The following SPATA7 variants were observed in gnomAD, a reference collection of about 807,000 sequenced individuals.
The protein encoded by SPATA7 is spermatogenesis-associated protein 7.
SPATA7 carries 43 observed loss-of-function variants against 51.8 expected under a neutral mutation model. The ratio of observed to expected loss-of-function variants is 0.83; its 90% CI spans 0.65 to 1.07. SPATA7 has a LOEUF of 1.07. Among genes scored for constraint, SPATA7 ranks in the 50% least tolerant of loss-of-function variants. The pLI, the probability that SPATA7 is intolerant of heterozygous loss-of-function variation, is 0.00. For missense variants in SPATA7, 683 were observed against 701.3 expected, an observed-to-expected ratio of 0.97 and a Z score of 0.30; for synonymous variants, 230 against 252.8, an observed-to-expected ratio of 0.91 and a Z score of 0.86.
intron 1 of SPATA7, among the ~76,000 whole-genome samples, chr14:88,389,273 A>G (rs2075673979): frequency 6.6e-6 from 1 of 151,024 alleles, no homozygotes; most frequent in Non-Finnish European, 1.5e-5. Flanking sequence ...TCTGTTACCC[A>G]GACTGGAGTG....
Position 88,405,011 on chromosome 14 carries a change from A to G in SPATA7, c.238+8808A>G, listed in dbSNP as rs147651525. On this transcript the variant is annotated intron_variant, in intron 4 of 11. Transcript: ENST00000393545. Reference sequence around the variant, plus strand: ...ATGGTAATAAATGCAATGGAAAAAAAATGACTGAGAGTCCCTTGGAGGAGA... The same window carrying G: ...ATGGTAATAAATGCAATGGAAAAAAGATGACTGAGAGTCCCTTGGAGGAGA... Among the ~76,000 whole-genome samples the G allele has an allele frequency of 1.1e-4, 17 of 152,350 alleles. No individual in the cohort carries two copies. The East Asian group carries it at 3.1e-3, about 28-fold the overall frequency.
downstream of SPATA7, among the ~76,000 whole-genome samples, chr14:88,439,539 A>G (rs762827693): frequency 2.6e-5 from 4 of 152,214 alleles, no homozygotes; most frequent in Non-Finnish European, 4.4e-5. Flanking sequence ...TTTATAAGCT[A>G]TATTTTAATT....
At chr14:88,407,149 G>T (rs546277648) in intron 4 of SPATA7, among the ~76,000 whole-genome samples, 1 of 152,232 alleles carries the variant, frequency 6.6e-6, no homozygotes, top group East Asian at 1.9e-4. Flanking sequence ...GGATTCCTGG[G>T]TCAAATGGTA....
At chr14:88,446,380 G>A (rs1044524960) in intron 3 of SPATA7, among the ~76,000 whole-genome samples, 1 of 151,230 alleles carries the variant, frequency 6.6e-6, no homozygotes, top group Non-Finnish European at 1.5e-5. Flanking sequence ...CTCTTTTTTT[G>A]TTTATTAGTC....
downstream of SPATA7, among the ~76,000 whole-genome samples, chr14:88,457,680 A>G (rs1441152101): frequency 6.6e-6 from 1 of 152,170 alleles, no homozygotes; most frequent in Admixed American, 6.5e-5. Context: ...ACACAGGGAC[A>G]ATTTGACTTC....
chr14:88,424,207 A>G (rs1035753356), intron 5 of SPATA7, among the ~76,000 whole-genome samples: 2 of 152,196 alleles, frequency 1.3e-5, no homozygotes, highest in African/African-American at 2.4e-5. Context: ...AGTGTGTTAC[A>G]TATATTCTGC....
chr14:88,468,344 G>C, intron 4 of SPATA7: 1 of 1,375,538 alleles, frequency 7.3e-7, no homozygotes, highest in Non-Finnish European at 9.8e-7. Flanking sequence ...GAGTGTCCTG[G>C]CAGAAACCTG....
rs1248114858 is a variant in SPATA7, at chr14:88,431,187, T to C, written c.1044T>C (p.Tyr348=). 1 of 1,613,628 alleles carries C rather than the reference T, an allele frequency of 6.2e-7. No homozygotes were observed. The highest frequency in any genetic ancestry group is 1.3e-5 in the African/African-American group (1 of 74,914). The part of the protein sequence containing the change: ...QHSSPRAMCQ[Y]SLKPPSTRKI... ...CTCTTTCTAGGGCAATGTGTCAGTATTCCCTGAAGCCCCCTTCAACTCGTA... is the reference window on the plus strand; with the variant it reads ...CTCTTTCTAGGGCAATGTGTCAGTACTCCCTGAAGCCCCCTTCAACTCGTA... Residue 348 remains tyrosine, a synonymous_variant, in exon 9 of 12, where the codon TAT becomes TAC. Transcript: ENST00000393545.
At chr14:88,446,611 G>T (rs1420489212) in intron 3 of SPATA7, among the ~76,000 whole-genome samples, 1 of 151,956 alleles carries the variant, frequency 6.6e-6, no homozygotes, top group African/African-American at 2.4e-5. Context: ...GCTTTCTCTT[G>T]TGGGCATTTA....
At chr14:88,433,278 A>G in intron 10 of SPATA7, 66 bp downstream of exon 10, 1 of 1,141,380 alleles carries the variant, frequency 8.8e-7, no homozygotes, top group Non-Finnish European at 1.3e-6. Flanking sequence ...ATTTCTTCAT[A>G]TGATGTTAAA....
intron 4 of SPATA7, among the ~76,000 whole-genome samples, chr14:88,402,959 C>CAAAAAAAAAAAAAAAAAAAA (rs56330042): frequency 1.6e-5 from 1 of 62,018 alleles, no homozygotes; most frequent in Non-Finnish European, 3.1e-5. Flanking sequence ...AACTCAATAG[C>CAAAAAAAAAAAAAAAAAAAA]AAAAAAAAAA....
At position 88,437,870 on chromosome 14, in the gene SPATA7, A is replaced by C; in HGVS notation, c.1248A>C (p.Lys416Asn). 1 of 1,604,334 alleles carries C rather than the reference A, an allele frequency of 6.2e-7. No homozygotes were observed. The highest frequency in any genetic ancestry group is 2.2e-5 in the East Asian group (1 of 44,792). ...TGCGCCACCTGCTGCATGTCCTGAA[A>C]GTAGACTTAGGCTGCACATCGGAGG... Reference protein sequence around the residue: ...EKMRHLLHVLKVDLGCTSEEN... With the variant: ...EKMRHLLHVLNVDLGCTSEEN... Residue 416 changes from lysine (K) to asparagine (N), a missense_variant, in exon 12 of 12, where the codon AAA becomes AAC. Coordinates refer to ENST00000393545, the MANE Select transcript of SPATA7 (RefSeq NM_018418.5).
At position 88,410,357 on chromosome 14, in the gene SPATA7, CT is replaced by C. The variant is rs561014043; in HGVS notation, c.239-6346del. On this transcript the variant is annotated intron_variant, in intron 4 of 11. Transcript: ENST00000393545. ...ACCATTATGTAATGCCCTTCTTTGT[CT>C]TTTTTTTATCTTTGTTGGTTTAAAG... is the stretch of plus-strand genomic sequence containing the variant. Among the ~76,000 whole-genome samples, 25 of 151,826 alleles carry C rather than the reference CT, an allele frequency of 1.6e-4. No individual in the cohort carries two copies. The East Asian group carries it at 4.1e-3, about 25-fold the overall frequency.
rs2076259769 is a variant in SPATA7, at chr14:88,408,644, G to A, written c.239-8067G>A. ...CCCTGGCCTAAACTTCCGTTACTGT[G>A]TTGAATAGGAGTGATGAGAGAGGGC... On this transcript the variant is annotated intron_variant, in intron 4 of 11. Coordinates refer to ENST00000393545, the MANE Select transcript of SPATA7 (RefSeq NM_018418.5). 2.0e-5 allele frequency among the ~76,000 whole-genome samples: 3 copies of A among 152,160 alleles called. No homozygotes were observed. The South Asian group carries it at 6.2e-4, about 32-fold the overall frequency.
intron 4 of SPATA7, chr14:88,468,224 C>T: frequency 1.9e-6 from 3 of 1,610,972 alleles, no homozygotes; most frequent in Non-Finnish European, 1.7e-6. Context: ...GCATCATTCT[C>T]TGTTGCCTCA....
intron 11 of SPATA7, 113 bp from the exon 12 acceptor site, chr14:88,437,725 G>C (rs1240838630): frequency 1.5e-6 from 2 of 1,326,138 alleles, no homozygotes; most frequent in East Asian, 2.4e-5. Flanking sequence ...TTTTGAGGGT[G>C]GTGGTGGGAG....
downstream of SPATA7, among the ~76,000 whole-genome samples, chr14:88,458,041 A>G (rs548208544): frequency 0.036 from 5,484 of 151,616 alleles, 321 homozygotes; most frequent in African/African-American, 0.13. Context: ...ATTGATTTGC[A>G]TATGTTGAAC....
Position 88,438,293 on chromosome 14 carries a change from T to A in SPATA7, c.1671T>A (p.Cys557Ter). The A allele has an allele frequency of 6.2e-7, 1 of 1,614,096 alleles. No homozygotes were observed. Among genetic ancestry groups the A allele is most frequent in the African/African-American group, 1.3e-5 (1 of 75,052 alleles). ...AGGTTGAGATTTCAAATGGATTATG[T>A]GGTCTTAACACATCACCCTCCCAAT... ...PEKVEISNGL[C>*]GLNTSPSQSV... The change falls in exon 12 of 12, where the codon TGT becomes TGA. Residue 557 changes from cysteine (C) to a stop codon, truncating the protein, a stop_gained. Transcript: ENST00000393545. LOFTEE classifies it low-confidence loss of function (END_TRUNC).
At chr14:88,436,079 T>C (rs1266125063) in intron 10 of SPATA7, among the ~76,000 whole-genome samples, 2 of 152,194 alleles carry the variant, frequency 1.3e-5, no homozygotes, top group African/African-American at 4.8e-5. Flanking sequence ...GCATTTATTA[T>C]TGCTTGTTTT....
Sources: gnomAD v4.1 joint callset for allele counts (sites outside exome capture counted in the v4.1 genomes callset) on GRCh38, gnomAD v4.1.1 for gene constraint, MANE v1.5 for transcripts, NCBI Gene and HGNC (gene_info 2026-07-23, HGNC 2026-07-21) for gene names.